Variants in PDZRN3 observed in about 807,000 individuals in gnomAD.
PDZRN3 encodes E3 ubiquitin-protein ligase PDZRN3.
A neutral mutation model predicts 85.7 loss-of-function variants in PDZRN3; 38 were observed. The ratio of observed to expected loss-of-function variants is 0.44; its 90% CI spans 0.34 to 0.58. The LOEUF (loss-of-function observed/expected upper bound fraction) is 0.58, where lower values mean the gene tolerates loss of function less well. Among genes scored for constraint, PDZRN3 ranks in the 20% least tolerant of loss-of-function variants. PDZRN3 has a pLI of 0.01. For synonymous variants in PDZRN3, 759 were observed against 638.0 expected, an observed-to-expected ratio of 1.19 and a Z score of -2.86; for missense variants, 1,629 against 1,506.4, an observed-to-expected ratio of 1.08 and a Z score of -1.35.
chr3:73,551,746 A>G (rs1701564546), intron 3 of PDZRN3, among the ~76,000 whole-genome samples: 1 of 152,056 alleles, frequency 6.6e-6, no homozygotes, highest in African/African-American at 2.4e-5. Context: ...CCCACTTCTA[A>G]TATTAGAAGC....
At chr3:73,505,570 A>G (rs1368822822) in intron 3 of PDZRN3, among the ~76,000 whole-genome samples, 1 of 152,214 alleles carries the variant, frequency 6.6e-6, no homozygotes, top group Non-Finnish European at 1.5e-5. Context: ...CTTGTGGATG[A>G]TATTCTATTG....
intron 5 of PDZRN3, among the ~76,000 whole-genome samples, 156 bp from the exon 6 acceptor site, chr3:73,391,272 T>C (rs1487431316): frequency 6.6e-6 from 1 of 152,250 alleles, no homozygotes; most frequent in Admixed American, 6.5e-5. Flanking sequence ...AAAGTGATTA[T>C]GGACACAGGA....
rs752483040 is a variant in PDZRN3 at position 73,384,037 on chromosome 3, G to C, written c.2529C>G (p.Ser843Arg). 6.3e-7 allele frequency: 1 copy of C among 1,596,796 alleles called. No individual in the cohort carries two copies. The highest frequency in any genetic ancestry group is 1.7e-5 in the Admixed American group (1 of 58,510). ...TGGGCGTGGGGCTCCGGCTCCCGTCGCTGGCTCTCCGCTCTTTGCTTTCCA... is the reference window on the plus strand; with the variant it reads ...TGGGCGTGGGGCTCCGGCTCCCGTCCCTGGCTCTCCGCTCTTTGCTTTCCA... ...QPLESKERRA[S>R]DGSRSPTPSQ... The change falls in exon 10 of 10, where the codon AGC becomes AGG. Residue 843 changes from serine (S) to arginine (R), a missense_variant. Physicochemically the swap from Ser to Arg is moderately radical, Grantham distance 110. Coordinates refer to ENST00000263666, the MANE Select transcript of PDZRN3 (RefSeq NM_015009.3).
At chr3:73,478,577 G>GTAA (rs1200672892) in intron 3 of PDZRN3, among the ~76,000 whole-genome samples, 1 of 151,470 alleles carries the variant, frequency 6.6e-6, no homozygotes, top group Non-Finnish European at 1.5e-5. Flanking sequence ...TAATAATGTA[G>GTAA]TAATAATAGC....
At chr3:73,570,942 C>A (rs780137996) in intron 3 of PDZRN3, among the ~76,000 whole-genome samples, 53 of 152,158 alleles carry the variant, frequency 3.5e-4, no homozygotes, top group Non-Finnish European at 4.0e-4. Flanking sequence ...ATCTACCTGG[C>A]TGTGGGCAGA....
intron 3 of PDZRN3, among the ~76,000 whole-genome samples, chr3:73,523,898 G>C (rs188789464): frequency 5.9e-5 from 9 of 152,294 alleles, no homozygotes; most frequent in Middle Eastern, 3.4e-3. Context: ...TGAACAAGTA[G>C]AGAACGCATT....
At chr3:73,528,073 A>G (rs1292930128) in intron 3 of PDZRN3, among the ~76,000 whole-genome samples, 1 of 152,212 alleles carries the variant, frequency 6.6e-6, no homozygotes, top group Non-Finnish European at 1.5e-5. Flanking sequence ...GTCAAGGTCA[A>G]AAAGCAGTGG....
At chr3:73,446,626 C>T (rs2106832565) in intron 3 of PDZRN3, among the ~76,000 whole-genome samples, 1 of 152,272 alleles carries the variant, frequency 6.6e-6, no homozygotes, top group South Asian at 2.1e-4. Context: ...GCCTGACTCT[C>T]TGTACAAGGA....
At chr3:73,610,055 G>A (rs940940674) in intron 1 of PDZRN3, among the ~76,000 whole-genome samples, 4 of 152,096 alleles carry the variant, frequency 2.6e-5, no homozygotes, top group Admixed American at 6.5e-5. Context: ...CCTTTCTCAC[G>A]AGTAGTTATT....
intron 3 of PDZRN3, among the ~76,000 whole-genome samples, chr3:73,547,231 G>A (rs1205395121): frequency 6.6e-6 from 1 of 152,112 alleles, no homozygotes; most frequent in East Asian, 1.9e-4. Flanking sequence ...TCATTTCTGT[G>A]GTTTTTCAGA....
intron 3 of PDZRN3, among the ~76,000 whole-genome samples, chr3:73,592,297 G>A (rs1702368793): frequency 1.3e-5 from 2 of 152,128 alleles, no homozygotes; most frequent in Non-Finnish European, 2.9e-5. Flanking sequence ...ACCCCAGAGT[G>A]TCTCCAAATA....
intron 3 of PDZRN3, among the ~76,000 whole-genome samples, chr3:73,463,139 G>A (rs1401137303): frequency 6.6e-6 from 1 of 152,174 alleles, no homozygotes; most frequent in African/African-American, 2.4e-5. Context: ...TCATCTTGTT[G>A]GGCGAGCCAT....
chr3:73,546,483 A>T (rs1701425897), intron 3 of PDZRN3, among the ~76,000 whole-genome samples: 1 of 152,242 alleles, frequency 6.6e-6, no homozygotes, highest in African/African-American at 2.4e-5. Flanking sequence ...AAATAAATGT[A>T]ACCAAATAAG....
intron 3 of PDZRN3, among the ~76,000 whole-genome samples, chr3:73,428,461 G>A (rs1702362935): frequency 6.6e-6 from 1 of 152,190 alleles, no homozygotes; most frequent in Admixed American, 6.5e-5. Flanking sequence ...ACCATGTGCT[G>A]AGAGTAACAG....
intron 3 of PDZRN3, among the ~76,000 whole-genome samples, chr3:73,411,356 A>T (rs183826097): frequency 6.6e-6 from 1 of 152,208 alleles, no homozygotes; most frequent in Admixed American, 6.5e-5. Flanking sequence ...ACAGAAAATC[A>T]CAACATGCAA....
chr3:73,384,161 C>T lies in PDZRN3; in HGVS notation c.2405G>A (p.Gly802Glu). 1 of 1,614,044 alleles carries T rather than the reference C, an allele frequency of 6.2e-7. No individual in the cohort carries two copies. Among genetic ancestry groups the T allele is most frequent in the Non-Finnish European group, 8.5e-7 (1 of 1,180,018 alleles). The change falls in exon 10 of 10, where the codon GGG becomes GAG. Residue 802 changes from glycine (G) to glutamate (E), a missense_variant. Coordinates refer to ENST00000263666, the MANE Select transcript of PDZRN3 (RefSeq NM_015009.3). ...EGAVGTTEAY[G>E]PASKNLLSIT... ...GGAGAGCAGATTCTTGGAGGCTGGC[C>T]CGTAGGCTTCCGTGGTCCCCACAGC...
chr3:73,518,528 T>A, intron 3 of PDZRN3, among the ~76,000 whole-genome samples: 1 of 152,168 alleles, frequency 6.6e-6, no homozygotes, highest in Non-Finnish European at 1.5e-5. Context: ...TTTACCACAA[T>A]AATTTTTTTA....
chr3:73,487,026 T>C (rs1703676305), intron 3 of PDZRN3, among the ~76,000 whole-genome samples: 1 of 152,184 alleles, frequency 6.6e-6, no homozygotes, highest in Non-Finnish European at 1.5e-5. Flanking sequence ...ATAAATTAGT[T>C]AAGACATCTA....
At chr3:73,510,819 T>C (rs1296509966) in intron 3 of PDZRN3, among the ~76,000 whole-genome samples, 1 of 152,120 alleles carries the variant, frequency 6.6e-6, no homozygotes, top group Non-Finnish European at 1.5e-5. Context: ...AGTAAGAGAT[T>C]AACAATAAAA....
Sources: allele counts gnomAD v4.1 joint callset (sites outside exome capture counted in the v4.1 genomes callset), GRCh38; gene constraint gnomAD v4.1.1; transcripts MANE v1.5; gene names NCBI Gene and HGNC (gene_info 2026-07-23, HGNC 2026-07-21).